Variants in CC2D2B observed in about 807,000 individuals in gnomAD.
The protein encoded by CC2D2B is coiled-coil and C2 domain containing 2B.
A neutral mutation model predicts 161.2 loss-of-function variants in CC2D2B; 128 were observed. The observed-to-expected ratio is 0.79, with a 90% confidence interval of 0.69 to 0.92. CC2D2B has a LOEUF of 0.92. Ranked by LOEUF, CC2D2B falls within the 40% of genes least tolerant of loss-of-function variation. CC2D2B has a pLI of 0.00. For synonymous variants in CC2D2B, 391 were observed against 449.8 expected (o/e 0.87, Z 1.65); for missense variants, 1,173 against 1,375.1 (o/e 0.85, Z 2.32).
rs2076828280 is a variant in CC2D2B, at chr10:95,963,229, G to A, written c.1250+1260G>A. Among the ~76,000 whole-genome samples, 3 of 152,272 alleles carry A rather than the reference G, an allele frequency of 2.0e-5. No individual in the cohort carries two copies. In the South Asian group the frequency reaches 6.2e-4, roughly 32 times the overall value. ...TTAAAAATATCATTCTGATCAATTG[G>A]AGAAGCTATCTGTTTGAAGATGTTC... is the stretch of plus-strand genomic sequence containing the variant. On this transcript the variant is annotated intron_variant, in intron 12 of 34. Transcript: ENST00000646931.
intron 15 of CC2D2B, among the ~76,000 whole-genome samples, chr10:95,970,471 C>G (rs1198560595): frequency 1.3e-5 from 2 of 152,210 alleles, no homozygotes; most frequent in Admixed American, 6.5e-5. Context: ...TAAAAACGCC[C>G]ATTTTCATTC....
In CC2D2B at chr10:95,924,396, G is replaced by C; in HGVS notation, c.174+6G>C. 6.9e-7 allele frequency: 1 copy of C among 1,446,158 alleles called. No homozygotes were observed. The highest frequency in any genetic ancestry group is 9.3e-7 in the Non-Finnish European group (1 of 1,073,756). 89.6% of individuals were successfully genotyped at this position (1,446,158 alleles called of 1,614,324 possible). On this transcript the variant is annotated splice_donor_region_variant and intron_variant, in intron 4 of 34. Transcript: ENST00000646931. ...AAAAGCTAAAAATTTCTAAGGTAAT[G>C]CTTTTTAAAATTTCCTGTTTTCAAA...
At chr10:95,942,079 T>C (rs1554832811) in intron 9 of CC2D2B, among the ~76,000 whole-genome samples, 1 of 152,150 alleles carries the variant, frequency 6.6e-6, no homozygotes, top group Non-Finnish European at 1.5e-5. Context: ...AAGAACAAAT[T>C]CTGCATGATT....
chr10:95,970,683 C>G (rs1465275846), intron 15 of CC2D2B, among the ~76,000 whole-genome samples: 9 of 152,188 alleles, frequency 5.9e-5, no homozygotes, highest in Non-Finnish European at 1.5e-5. Flanking sequence ...ATACCCTAAG[C>G]AAATTCACAA....
intron 15 of CC2D2B, 42 bp from the exon 16 acceptor site, chr10:95,972,024 T>C: frequency 8.9e-7 from 1 of 1,127,216 alleles, no homozygotes; most frequent in Non-Finnish European, 1.1e-6. Context: ...TTTTTCTGTG[T>C]TGTATTTTTA....
intron 2 of CC2D2B, among the ~76,000 whole-genome samples, chr10:95,918,443 T>G (rs899209904): frequency 6.6e-6 from 1 of 152,258 alleles, no homozygotes; most frequent in African/African-American, 2.4e-5. Context: ...TGTCACTTTC[T>G]TTTAGCCTGT....
Position 95,950,038 on chromosome 10 carries a change from T to C in CC2D2B, c.944T>C (p.Leu315Pro). ...FNQEQVLCAR[L>P]LQLYECFQDR... is the part of the protein sequence containing the mutation. The stretch of plus-strand genomic sequence containing the variant: ...CAAGAGCAAGTATTATGCGCAAGGC[T>C]TCTCCAACTTTATGAATGTTTTCAG... Residue 315 changes from leucine (L) to proline (P), a missense_variant, in exon 10 of 35, where the codon CTT becomes CCT. Around this residue, in one of 3 missense-constraint regions of CC2D2B, gnomAD observed 298 missense variants for 261.2 expected, o/e 1.14. Transcript: ENST00000646931. The C allele has an allele frequency of 2.5e-6, 1 of 398,816 alleles. No homozygotes were observed. The highest frequency in any genetic ancestry group is 4.4e-6 in the Non-Finnish European group (1 of 225,944). 24.7% of individuals were successfully genotyped at this position (398,816 alleles called of 1,614,324 possible).
chr10:96,028,320 G>GA (rs1380983312), intron 34 of CC2D2B, among the ~76,000 whole-genome samples: 1 of 152,106 alleles, frequency 6.6e-6, no homozygotes, highest in Non-Finnish European at 1.5e-5. Flanking sequence ...CAAAAGACTT[G>GA]AATAGACATT....
At chr10:96,025,457 G>T (rs2079730517) in intron 33 of CC2D2B, among the ~76,000 whole-genome samples, 1 of 149,962 alleles carries the variant, frequency 6.7e-6, no homozygotes, top group East Asian at 2.0e-4. Context: ...GGCATTCTTT[G>T]ATAGGACAGA....
chr10:96,020,615 G>T (rs1485753524), intron 32 of CC2D2B: 1 of 151,728 alleles, frequency 6.6e-6, no homozygotes, highest in Non-Finnish European at 1.5e-5. Flanking sequence ...AGGGAGGGAG[G>T]GAGAGAGAGA....
At chr10:95,976,099 A>G (rs1173784096) in intron 17 of CC2D2B, among the ~76,000 whole-genome samples, 1 of 152,144 alleles carries the variant, frequency 6.6e-6, no homozygotes, top group Non-Finnish European at 1.5e-5. Flanking sequence ...CCATCTCCCT[A>G]GGCTGTTGGT....
At chr10:96,020,889 AC>A (rs2079425344) in intron 32 of CC2D2B, 1 of 151,974 alleles carries the variant, frequency 6.6e-6, no homozygotes, top group African/African-American at 2.4e-5. Context: ...CAAAAGAACT[AC>A]CCGGGCATGG....
At chr10:95,983,054 G>A (rs2077589734) in intron 18 of CC2D2B, among the ~76,000 whole-genome samples, 1 of 152,070 alleles carries the variant, frequency 6.6e-6, no homozygotes, top group South Asian at 2.1e-4. Context: ...TTACAGGCAT[G>A]AGCCACTGCG....
chr10:95,928,344 AAGAT>A (rs1415369413), intron 6 of CC2D2B, among the ~76,000 whole-genome samples: 1 of 152,184 alleles, frequency 6.6e-6, no homozygotes, highest in African/African-American at 2.4e-5. Flanking sequence ...CCACTGCCCT[AAGAT>A]AGTCACTATT....
At chr10:95,941,187 C>T (rs2076010304) in intron 9 of CC2D2B, among the ~76,000 whole-genome samples, 1 of 152,150 alleles carries the variant, frequency 6.6e-6, no homozygotes, top group African/African-American at 2.4e-5. Flanking sequence ...ACACAAACAT[C>T]AACTCGAGAT....
At chr10:95,968,644 C>A in intron 14 of CC2D2B, 80 bp from the exon 15 acceptor site, 1 of 494,006 alleles carries the variant, frequency 2.0e-6, no homozygotes. Flanking sequence ...GTTTAACATG[C>A]TAATATACAT....
At chr10:96,023,610 G>A (rs11813897) in intron 32 of CC2D2B, among the ~76,000 whole-genome samples, 5,335 of 152,236 alleles carry the variant, frequency 0.035, 272 homozygotes, top group East Asian at 0.22. Context: ...AGGGAATTCC[G>A]TCCACCTATC....
At chr10:95,915,411 G>A (rs534598930) in intron 2 of CC2D2B, among the ~76,000 whole-genome samples, 16 of 151,956 alleles carry the variant, frequency 1.1e-4, no homozygotes, top group African/African-American at 3.9e-4. Flanking sequence ...TCTTTCGTCT[G>A]ATTGCTCTAG....
At chr10:95,927,627 G>T (rs892072975) in intron 6 of CC2D2B, among the ~76,000 whole-genome samples, 14 of 151,966 alleles carry the variant, frequency 9.2e-5, no homozygotes, top group Admixed American at 4.6e-4. Flanking sequence ...AGCAAAGAGG[G>T]TTAAGCCTTG....
Sources: gnomAD v4.1 joint callset for allele counts (sites outside exome capture counted in the v4.1 genomes callset) on GRCh38, gnomAD v4.1.1 for gene constraint, gnomAD v4.1.1 regional missense constraint, MANE v1.5 for transcripts, NCBI Gene and HGNC (gene_info 2026-07-23, HGNC 2026-07-21) for gene names.